The following ALCAM variants were observed in gnomAD, a reference collection of about 807,000 sequenced individuals.
The protein encoded by ALCAM is CD166 antigen.
ALCAM carries 30 observed loss-of-function variants against 70.9 expected under a neutral mutation model. The ratio of observed to expected loss-of-function variants is 0.42; its 90% CI spans 0.32 to 0.57. The LOEUF is 0.57. ALCAM is among the 20% of genes least tolerant of loss of function. The probability of loss-of-function intolerance (pLI) is 0.11; values close to 1 mark genes in which losing one functional copy is unlikely to be tolerated. For missense variants in ALCAM, 591 were observed against 695.1 expected (o/e 0.85, Z 1.68); for synonymous variants, 249 against 242.5 (o/e 1.03, Z -0.25).
intron 1 of ALCAM, among the ~76,000 whole-genome samples, chr3:105,408,124 G>A (rs1432213210): frequency 1.3e-5 from 2 of 151,740 alleles, no homozygotes; most frequent in African/African-American, 4.8e-5. Flanking sequence ...TGGTGAAAAT[G>A]ACCATACTGC....
chr3:105,443,882 A>G (rs193082825), intron 1 of ALCAM, among the ~76,000 whole-genome samples: 13 of 151,832 alleles, frequency 8.6e-5, no homozygotes, highest in Non-Finnish European at 1.9e-4. Context: ...ACCCAATTTT[A>G]GAGGACTGCT....
chr3:105,549,666 C>T (rs9829190), intron 11 of ALCAM, among the ~76,000 whole-genome samples: 12,545 of 151,178 alleles, frequency 0.083, 661 homozygotes, highest in Non-Finnish European at 0.12. Context: ...GTTTCATGTA[C>T]CCATGAGCAA....
At chr3:105,368,261 GAGAA>G (rs199887373) in intron 1 of ALCAM, among the ~76,000 whole-genome samples, 46 of 142,878 alleles carry the variant, frequency 3.2e-4, no homozygotes, top group Non-Finnish European at 6.2e-4. Flanking sequence ...GAGAGAGAGA[GAGAA>G]AAGGCAAAAT....
intron 6 of ALCAM, among the ~76,000 whole-genome samples, chr3:105,539,496 C>T (rs555939777): frequency 1.3e-5 from 2 of 152,120 alleles, no homozygotes; most frequent in South Asian, 2.1e-4. Flanking sequence ...TGCCGAAATC[C>T]TCGCTGGTGT....
chr3:105,472,847 A>G (rs539814676), intron 1 of ALCAM, among the ~76,000 whole-genome samples: 118 of 151,658 alleles, frequency 7.8e-4, no homozygotes, highest in African/African-American at 2.7e-3. Flanking sequence ...TATCTGCAAA[A>G]TAAGGACAAA....
Position 105,523,109 on chromosome 3 carries a change from C to G in ALCAM, c.175-1180C>G, listed in dbSNP as rs891809392. On this transcript the variant is annotated intron_variant, in intron 2 of 15. Transcript: ENST00000306107. ...GAGCCGAAGTTGTGCCACTGCACTC[C>G]AGCCTGGGCGACAGAGCGAGACTCC... Among the ~76,000 whole-genome samples, 14 of 131,032 alleles carry G rather than the reference C, an allele frequency of 1.1e-4. No individual in the cohort carries two copies. The East Asian group carries it at 3.2e-3, about 30-fold the overall frequency. The allele number at this position is 131,032 out of a possible 152,430, so 86.0% of individuals were successfully genotyped here. A position where few individuals can be genotyped will look rare whatever the true frequency, so the allele number is the denominator to read the frequency against.
At chr3:105,459,489 C>T (rs1428354008) in intron 1 of ALCAM, among the ~76,000 whole-genome samples, 1 of 151,906 alleles carries the variant, frequency 6.6e-6, no homozygotes, top group African/African-American at 2.4e-5. Context: ...GAAGAAATTA[C>T]TGAGTTATCA....
At chr3:105,497,888 G>A (rs1050260011) in intron 1 of ALCAM, among the ~76,000 whole-genome samples, 7 of 152,042 alleles carry the variant, frequency 4.6e-5, no homozygotes, top group South Asian at 2.1e-4. Flanking sequence ...AAAATTAGCC[G>A]GGCGTGGTGG....
intron 1 of ALCAM, among the ~76,000 whole-genome samples, chr3:105,450,047 C>T (rs1025167233): frequency 2.0e-5 from 3 of 152,110 alleles, no homozygotes; most frequent in African/African-American, 7.2e-5. Context: ...AAAAAGTGTG[C>T]TGTATGTTTA....
At chr3:105,367,600 G>A (rs946003999) in intron 1 of ALCAM, 119 bp downstream of exon 1, 19 of 1,189,056 alleles carry the variant, frequency 1.6e-5, no homozygotes, top group Non-Finnish European at 2.2e-5. Flanking sequence ...GAGGTAAGGG[G>A]ACCGCTGTCC....
chr3:105,500,248 T>C (rs1938883886), intron 1 of ALCAM, among the ~76,000 whole-genome samples: 1 of 152,150 alleles, frequency 6.6e-6, no homozygotes, highest in South Asian at 2.1e-4. Flanking sequence ...GATGAACTTT[T>C]CCTGTAAGCC....
intron 1 of ALCAM, among the ~76,000 whole-genome samples, chr3:105,401,398 A>G (rs991648529): frequency 1.1e-4 from 16 of 152,228 alleles, no homozygotes; most frequent in Admixed American, 8.5e-4. Context: ...GTAGAGGAGC[A>G]GTACAAAATG....
chr3:105,446,538 A>G (rs544123765), intron 1 of ALCAM, among the ~76,000 whole-genome samples: 67 of 152,012 alleles, frequency 4.4e-4, no homozygotes, highest in Middle Eastern at 3.4e-3. Context: ...TTGAAGCTCT[A>G]TTCATAATAG....
chr3:105,527,339 C>A (rs1171006692), intron 3 of ALCAM, among the ~76,000 whole-genome samples: 1 of 152,076 alleles, frequency 6.6e-6, no homozygotes, highest in Non-Finnish European at 1.5e-5. Context: ...GAGCGGGTCA[C>A]CAGGAGAACT....
chr3:105,477,854 T>C (rs1395464273), intron 1 of ALCAM, among the ~76,000 whole-genome samples: 1 of 151,184 alleles, frequency 6.6e-6, no homozygotes, highest in Non-Finnish European at 1.5e-5. Flanking sequence ...TGCTATTAAG[T>C]TCAAATATAC....
Position 105,525,431 on chromosome 3 carries a change from C to G in ALCAM, c.394+923C>G, listed in dbSNP as rs1939677191. On this transcript the variant is annotated intron_variant, in intron 3 of 15. Transcript: ENST00000306107. ...TTACTTCACAATATTTTAGACACTA[C>G]AGGGAACGAAACAGGTCTCAAAAGT... 9.1e-6 allele frequency: 8 copies of G among 880,880 alleles called. No individual in the cohort carries two copies. The South Asian group carries it at 3.7e-4, about 40-fold the overall frequency. 54.6% of individuals were successfully genotyped at this position (880,880 alleles called of 1,614,324 possible).
chr3:105,463,929 C>A (rs1261037693), intron 1 of ALCAM, among the ~76,000 whole-genome samples: 1 of 151,346 alleles, frequency 6.6e-6, no homozygotes, highest in Admixed American at 6.6e-5. Context: ...TGCATCTTTC[C>A]TAAAGAAGGT....
At chr3:105,369,715 A>G (rs1183907974) in intron 1 of ALCAM, among the ~76,000 whole-genome samples, 1 of 152,104 alleles carries the variant, frequency 6.6e-6, no homozygotes, top group Non-Finnish European at 1.5e-5. Context: ...AGCAGTTTTA[A>G]TAGTGTATGT....
chr3:105,377,339 C>T (rs898755335), intron 1 of ALCAM, among the ~76,000 whole-genome samples: 5 of 151,948 alleles, frequency 3.3e-5, no homozygotes, highest in African/African-American at 1.2e-4. Flanking sequence ...CAATTGGTGG[C>T]AGTTGTTGGT....
Sources: allele counts gnomAD v4.1 joint callset (sites outside exome capture counted in the v4.1 genomes callset), GRCh38; gene constraint gnomAD v4.1.1; transcripts MANE v1.5; gene names NCBI Gene and HGNC (gene_info 2026-07-23, HGNC 2026-07-21).